The following CAMTA1 variants were observed in gnomAD, a reference collection of about 807,000 sequenced individuals.
CAMTA1 encodes the protein calmodulin-binding transcription activator 1.
In CAMTA1, 27 loss-of-function variants were observed where a neutral mutation model predicts 170.9. The ratio of observed to expected loss-of-function variants is 0.16; its 90% CI spans 0.12 to 0.22. The LOEUF is 0.22. Among genes scored for constraint, CAMTA1 ranks in the 10% least tolerant of loss-of-function variants. The probability of loss-of-function intolerance (pLI) is 1.00; values close to 1 mark genes in which losing one functional copy is unlikely to be tolerated. For missense variants in CAMTA1, 1,619 were observed against 2,217.2 expected, an observed-to-expected ratio of 0.73 and a Z score of 5.42; for synonymous variants, 833 against 891.5, an observed-to-expected ratio of 0.93 and a Z score of 1.17.
At chr1:7,116,020 C>T (rs1444439380) in intron 4 of CAMTA1, among the ~76,000 whole-genome samples, 1 of 152,170 alleles carries the variant, frequency 6.6e-6, no homozygotes, top group Non-Finnish European at 1.5e-5. Flanking sequence ...ACTTCGTGGC[C>T]CAGTTAGATT....
At chr1:7,502,279 G>A (rs1725260) in intron 6 of CAMTA1, among the ~76,000 whole-genome samples, 48,332 of 152,126 alleles carry the variant, frequency 0.32, 8,010 homozygotes, top group Middle Eastern at 0.53. Flanking sequence ...GCAGAGAAGC[G>A]GCTTTGGAGG....
intron 5 of CAMTA1, among the ~76,000 whole-genome samples, chr1:7,347,010 C>T (rs2149849788): frequency 6.6e-6 from 1 of 152,342 alleles, no homozygotes; most frequent in South Asian, 2.1e-4. Flanking sequence ...TCCCATATGC[C>T]TCAGCCGTTT....
chr1:7,723,838 G>A (rs923155592), intron 11 of CAMTA1, among the ~76,000 whole-genome samples: 3 of 152,200 alleles, frequency 2.0e-5, no homozygotes, highest in African/African-American at 4.8e-5. Flanking sequence ...TGGAGATAGA[G>A]TTTCACTCTG....
intron 11 of CAMTA1, among the ~76,000 whole-genome samples, chr1:7,713,137 G>A (rs1008501159): frequency 6.6e-6 from 1 of 152,196 alleles, no homozygotes; most frequent in Admixed American, 6.5e-5. Flanking sequence ...ACCACACAGA[G>A]TGAGTGAGGG....
chr1:7,319,832 G>C (rs919668771), intron 5 of CAMTA1, among the ~76,000 whole-genome samples: 7 of 151,896 alleles, frequency 4.6e-5, no homozygotes, highest in Admixed American at 2.6e-4. Flanking sequence ...TTCCCAAAGA[G>C]TGGATGTTTT....
At chr1:6,888,121 C>T (rs778047196) in intron 3 of CAMTA1, 180 of 981,572 alleles carry the variant, frequency 1.8e-4, no homozygotes, top group Non-Finnish European at 2.1e-4. Flanking sequence ...AGAGCAGGGC[C>T]TTTGTCTTGT....
In CAMTA1 at chr1:7,249,728, A is replaced by G. The variant is rs959329229; in HGVS notation, c.438+102A>G. 2.2e-6 allele frequency: 3 copies of G among 1,391,188 alleles called. No homozygotes were observed. Among genetic ancestry groups the G allele is most frequent in the Admixed American group, 2.6e-5 (1 of 38,798 alleles). 86.2% of individuals were successfully genotyped at this position (1,391,188 alleles called of 1,614,324 possible). Reference sequence around the variant, plus strand: ...AATTTGATGCGAGTCACCTCTGTCCAAAGAATTTTTGTTTGCCAAGACCCT... The same window carrying G: ...AATTTGATGCGAGTCACCTCTGTCCGAAGAATTTTTGTTTGCCAAGACCCT... On this transcript the variant is annotated intron_variant, in intron 5 of 22. Coordinates refer to ENST00000303635, the MANE Select transcript of CAMTA1 (RefSeq NM_015215.4). This position sits in a 1 kb window ranked among gnomAD's most constrained non-coding sequence, Gnocchi z 4.4.
intron 3 of CAMTA1, chr1:6,834,209 A>G (rs1214674172): frequency 6.8e-6 from 1 of 147,684 alleles, no homozygotes; most frequent in African/African-American, 2.5e-5. Flanking sequence ...AAGTTGTACA[A>G]TTCAGTAGTT....
At position 7,738,023 on chromosome 1, in the gene CAMTA1, G is replaced by A. The variant is rs138919769; in HGVS notation, c.3723G>A (p.Pro1241=). ...GCAGTGAGAGCCACAAAGATTATCCGGCTCCCAAAAAGCATAAATTGAACC... is the reference window on the plus strand; with the variant it reads ...GCAGTGAGAGCCACAAAGATTATCCAGCTCCCAAAAAGCATAAATTGAACC... ...YYSSESHKDY[P]APKKHKLNPE... The change falls in exon 16 of 23, where the codon CCG becomes CCA. Residue 1241 remains proline, a synonymous_variant. Coordinates refer to ENST00000303635, the MANE Select transcript of CAMTA1 (RefSeq NM_015215.4). This position sits in a 1 kb window ranked among gnomAD's most constrained non-coding sequence, Gnocchi z 4.9. 54 of 1,614,030 alleles carry A rather than the reference G, an allele frequency of 3.3e-5. No homozygotes were observed. In the African/African-American group the frequency reaches 3.9e-4, roughly 12 times the overall value.
intron 3 of CAMTA1, among the ~76,000 whole-genome samples, chr1:7,054,354 T>C (rs1020411106): frequency 2.0e-5 from 3 of 152,272 alleles, no homozygotes; most frequent in Non-Finnish European, 1.5e-5. Flanking sequence ...TGGGTCTTTC[T>C]GAGCTTGAGA....
At chr1:7,447,805 G>A (rs1035823904) in intron 5 of CAMTA1, among the ~76,000 whole-genome samples, 6 of 152,214 alleles carry the variant, frequency 3.9e-5, no homozygotes, top group Admixed American at 3.9e-4. Flanking sequence ...TGAGTGTGAG[G>A]AACTCCCATG....
intron 11 of CAMTA1, among the ~76,000 whole-genome samples, chr1:7,727,575 A>G (rs1226452358): frequency 6.6e-6 from 1 of 152,262 alleles, no homozygotes; most frequent in Admixed American, 6.5e-5. Flanking sequence ...ATATTTGTGC[A>G]TGAATAAGTG....
At chr1:7,499,155 AGTGT>A (rs1289232073) in intron 6 of CAMTA1, among the ~76,000 whole-genome samples, 1 of 82,344 alleles carries the variant, frequency 1.2e-5, no homozygotes, top group African/African-American at 5.0e-5. Context: ...TACGTATATG[AGTGT>A]GTGTGTGCAT....
chr1:7,715,262 C>A (rs1317009957), intron 11 of CAMTA1, among the ~76,000 whole-genome samples: 1 of 152,006 alleles, frequency 6.6e-6, no homozygotes, highest in Admixed American at 6.6e-5. Context: ...ATTAGGGATT[C>A]GAGAGAGAGG....
intron 5 of CAMTA1, among the ~76,000 whole-genome samples, chr1:7,336,709 G>C (rs766432153): frequency 6.6e-6 from 1 of 152,240 alleles, no homozygotes; most frequent in African/African-American, 2.4e-5. Context: ...AACCTGGCAG[G>C]AGGCCTTGAC....
chr1:7,600,932 T>G (rs1210374444), intron 6 of CAMTA1, among the ~76,000 whole-genome samples: 1 of 151,600 alleles, frequency 6.6e-6, no homozygotes, highest in Non-Finnish European at 1.5e-5. Flanking sequence ...TTTCCCCACC[T>G]TTCCCCCCTT....
rs2150348089 is a variant in CAMTA1, at chr1:7,767,211, A to G, written c.*720A>G. The stretch of plus-strand genomic sequence containing the variant: ...ATGAGAAGCAGCTCACAGAGTTTAA[A>G]CTATTTTCTTGTCCCCACCACCTTC... On this transcript the variant is annotated 3_prime_UTR_variant, in exon 23 of 23. Transcript: ENST00000303635. The G allele has an allele frequency of 6.5e-6, 1 of 152,874 alleles. No individual in the cohort carries two copies. Among genetic ancestry groups the G allele is most frequent in the African/African-American group, 2.4e-5 (1 of 41,556 alleles). 9.5% of individuals were successfully genotyped at this position (152,874 alleles called of 1,614,324 possible). A position where few individuals can be genotyped will look rare whatever the true frequency, so the allele number is the denominator to read the frequency against.
rs1490566649 is a variant in CAMTA1, at chr1:7,588,692, G to C, written c.511-51708G>C. On this transcript the variant is annotated intron_variant, in intron 6 of 22. Transcript: ENST00000303635. This position sits in a 1 kb window ranked among gnomAD's most constrained non-coding sequence, Gnocchi z 5.8. ...CCACGACTGGGCTCCTGGCAGCACG[G>C]CCAGATGGACCTCTGCTCTCTGCCA... Among the ~76,000 whole-genome samples the C allele has an allele frequency of 6.6e-6, 1 of 152,176 alleles. No homozygotes were observed. The highest frequency in any genetic ancestry group is 6.5e-5 in the Admixed American group (1 of 15,284).
intron 5 of CAMTA1, among the ~76,000 whole-genome samples, chr1:7,390,391 A>G (rs1303232074): frequency 6.6e-6 from 1 of 152,174 alleles, no homozygotes; most frequent in Non-Finnish European, 1.5e-5. Context: ...TCAGAGCTCT[A>G]TCTGGACCCT....
Sources: gnomAD v4.1 joint callset for allele counts (sites outside exome capture counted in the v4.1 genomes callset) on GRCh38, gnomAD v4.1.1 for gene constraint, Gnocchi (gnomAD v3.1) non-coding constraint, MANE v1.5 for transcripts, NCBI Gene and HGNC (gene_info 2026-07-23, HGNC 2026-07-21) for gene names.